Variants in ABCB1 observed in about 807,000 individuals in gnomAD.
ABCB1 encodes ATP-dependent translocase ABCB1.
Under a neutral mutation model 142.0 loss-of-function variants are expected in ABCB1, and 69 were observed. The ratio of observed to expected loss-of-function variants is 0.49; its 90% confidence interval spans 0.40 to 0.59. The LOEUF is 0.59. Ranked by LOEUF, ABCB1 falls within the 20% of genes least tolerant of loss-of-function variation. The pLI, the probability that ABCB1 is intolerant of heterozygous loss-of-function variation, is 0.00. For missense variants in ABCB1, 1,326 were observed against 1,554.7 expected, an observed-to-expected ratio of 0.85 and a Z score of 2.47; for synonymous variants, 532 against 539.2, an observed-to-expected ratio of 0.99 and a Z score of 0.18.
At chr7:87,543,225 C>T (rs1015085883) in intron 17 of ABCB1, among the ~76,000 whole-genome samples, 1 of 152,074 alleles carries the variant, frequency 6.6e-6, no homozygotes, top group African/African-American at 2.4e-5. Flanking sequence ...ACCCAGGAGG[C>T]AGAGGCTGCA....
In ABCB1 at chr7:87,516,731, C is replaced by CTTTTTTTT. The variant is rs546527484; in HGVS notation, c.2928-74_2928-67dup. 354 of 806,310 alleles carry CTTTTTTTT rather than the reference C, an allele frequency of 4.4e-4. 14 individuals are homozygous for CTTTTTTTT. In the African/African-American group the frequency reaches 8.9e-3, roughly 20 times the overall value. The allele number at this position is 806,310 out of a possible 1,614,324, so 49.9% of individuals were successfully genotyped here. A position where few individuals can be genotyped will look rare whatever the true frequency, so the allele number is the denominator to read the frequency against. ...TCACAATGCTAGAAAGCTGACACTCCTTTTTTTTTTTTTTTTTTTTTTTGA... is the reference window on the plus strand; with the variant it reads ...TCACAATGCTAGAAAGCTGACACTCCTTTTTTTTTTTTTTTTTTTTTTTTTTTTTTTGA... On this transcript the variant is annotated intron_variant, in intron 23 of 27. Transcript: ENST00000622132.
At chr7:87,585,326 G>A (rs1818694453) in intron 4 of ABCB1, among the ~76,000 whole-genome samples, 186 bp downstream of exon 4, 1 of 152,158 alleles carries the variant, frequency 6.6e-6, no homozygotes, top group African/African-American at 2.4e-5. Flanking sequence ...CTTCAGTTGT[G>A]TGTTGTAATG....
chr7:87,622,879 A>T (rs1319417474), intron 1 of ABCB1, among the ~76,000 whole-genome samples: 1 of 152,084 alleles, frequency 6.6e-6, no homozygotes, highest in Non-Finnish European at 1.5e-5. Context: ...AAACATTTTT[A>T]AAAATAAAAA....
At chr7:87,652,762 C>CTT (rs1279467153) in intron 1 of ABCB1, among the ~76,000 whole-genome samples, 2 of 151,274 alleles carry the variant, frequency 1.3e-5, no homozygotes, top group Non-Finnish European at 2.9e-5. Context: ...TAGCAAATTG[C>CTT]TTTTACTTTT....
intron 21 of ABCB1, among the ~76,000 whole-genome samples, chr7:87,523,536 C>T (rs1196480043): frequency 1.3e-5 from 2 of 152,138 alleles, no homozygotes; most frequent in South Asian, 2.1e-4. Flanking sequence ...GCAGAGGAAG[C>T]GCTCGAACTG....
Position 87,544,724 on chromosome 7 carries a change from A to T in ABCB1, c.2064+99T>A. ...GGGGGATAGGACAGGAGGATTCTGG[A>T]TAACCTCTCTTGTTCCCACTCCTAC... On this transcript the variant is annotated intron_variant, in intron 16 of 27. Transcript: ENST00000622132. 4 of 1,204,952 alleles carry T rather than the reference A, an allele frequency of 3.3e-6. No homozygotes were observed. In the South Asian group the frequency reaches 3.7e-5, roughly 11 times the overall value. The allele number at this position is 1,204,952 out of a possible 1,614,324, so 74.6% of individuals were successfully genotyped here.
intron 1 of ABCB1, among the ~76,000 whole-genome samples, chr7:87,649,302 C>T (rs1823337038): frequency 6.6e-6 from 1 of 152,110 alleles, no homozygotes; most frequent in Admixed American, 6.5e-5. Flanking sequence ...CAAAATAGAG[C>T]TTACAAATAA....
Position 87,648,115 on chromosome 7 carries a change from G to GCATA in ABCB1, c.-330-47041_-330-47038dup, listed in dbSNP as rs3028208. On this transcript the variant is annotated intron_variant, in intron 1 of 28. Coordinates refer to the ABCB1 transcript ENST00000265724. ...CAGGAGAATGGCGTGAACCGGGGTG[G>GCATA]CATAGCTTACAGTGAGCCAAGATCA... Among the ~76,000 whole-genome samples, 458 of 150,344 alleles carry GCATA rather than the reference G, an allele frequency of 3.0e-3. 6 individuals carry two copies. In the East Asian group the frequency reaches 0.049, roughly 16 times the overall value.
intron 1 of ABCB1, among the ~76,000 whole-genome samples, chr7:87,637,753 A>C (rs1055546671): frequency 6.6e-6 from 1 of 152,086 alleles, no homozygotes; most frequent in African/African-American, 2.4e-5. Flanking sequence ...CTTTTAAAAT[A>C]CTGGTCTTAT....
rs570721270 is a variant in ABCB1, at chr7:87,606,074, A to G, written c.-330-4996T>C. 3.9e-5 allele frequency among the ~76,000 whole-genome samples: 6 copies of G among 152,232 alleles called. No homozygotes were observed. In the East Asian group the frequency reaches 1.2e-3, roughly 29 times the overall value. On this transcript the variant is annotated intron_variant, in intron 1 of 28. Coordinates refer to the ABCB1 transcript ENST00000265724. ...CAAACCATATAGCTATTTATTGCAA[A>G]TATCACAATAGGTTAATATTCTTAA...
intron 1 of ABCB1, chr7:87,709,208 G>C (rs995230340): frequency 2.0e-6 from 2 of 981,902 alleles, no homozygotes; most frequent in African/African-American, 3.5e-5. Flanking sequence ...CAGGAAGCAA[G>C]ATTTTCCCTA....
chr7:87,703,915 T>TTTTTTTTTTTTTTTTTTTTTTTG (rs1829353831), intron 1 of ABCB1, among the ~76,000 whole-genome samples: 1 of 18,530 alleles, frequency 5.4e-5, no homozygotes, highest in Non-Finnish European at 1.1e-4. Flanking sequence ...TTTTTTTTGG[T>TTTTTTTTTTTTTTTTTTTTTTTG]TTTTTTTTTT....
rs775649461 is a variant in ABCB1, at chr7:87,626,009, CATATAT to C, written c.-330-24937_-330-24932del. 4.3e-4 allele frequency among the ~76,000 whole-genome samples: 48 copies of C among 112,104 alleles called. 1 individual carries two copies. Among genetic ancestry groups the C allele is most frequent in the African/African-American group, 1.5e-3 (41 of 27,542 alleles). 73.5% of individuals were successfully genotyped at this position (112,104 alleles called of 152,430 possible). A position where few individuals can be genotyped will look rare whatever the true frequency, so the allele number is the denominator to read the frequency against. Reference sequence around the variant, plus strand: ...ATATGTACATATATATGTATATGTACATATATATATATATAGAGAGAGAGAGAGAGA... The same window carrying C: ...ATATGTACATATATATGTATATGTACATATATATAGAGAGAGAGAGAGAGA... On this transcript the variant is annotated intron_variant, in intron 1 of 28. Coordinates refer to the ABCB1 transcript ENST00000265724.
chr7:87,509,476 A>G lies in ABCB1; in HGVS notation c.3288T>C (p.Leu1096=). ...FYDPLAGKVL[L]DGKEIKRLNV... Reference sequence around the variant, plus strand: ...TCAGTCGCTTTATTTCTTTGCCATCAAGCAGCTGAAAACAAGAGTTCACAG... The same window carrying G: ...TCAGTCGCTTTATTTCTTTGCCATCGAGCAGCTGAAAACAAGAGTTCACAG... The change falls in exon 26 of 28, where the codon CTT becomes CTC. Residue 1096 remains leucine (L), a synonymous_variant. Transcript: ENST00000622132. 6.2e-7 allele frequency: 1 copy of G among 1,614,030 alleles called. No individual in the cohort carries two copies. The highest frequency in any genetic ancestry group is 8.5e-7 in the Non-Finnish European group (1 of 1,180,020).
chr7:87,641,597 G>A (rs764397799), intron 1 of ABCB1, among the ~76,000 whole-genome samples: 3 of 152,160 alleles, frequency 2.0e-5, no homozygotes, highest in Admixed American at 1.3e-4. Flanking sequence ...AAAGCTGGCC[G>A]ACAGCTGTGA....
rs373344881 is a variant in ABCB1 at position 87,652,621 on chromosome 7, GAT to G, written c.-330-51545_-330-51544del. 5.1e-3 allele frequency among the ~76,000 whole-genome samples: 635 copies of G among 125,094 alleles called. 9 individuals are homozygous for G. Among genetic ancestry groups the G allele is most frequent in the East Asian group, 0.028 (120 of 4,342 alleles). The allele number at this position is 125,094 out of a possible 152,430, so 82.1% of individuals were successfully genotyped here. A position where few individuals can be genotyped will look rare whatever the true frequency, so the allele number is the denominator to read the frequency against. ...CTGTCAGTTGACTCTTGTGGTCACT[GAT>G]ATATATATATATATATATATATAGT... On this transcript the variant is annotated intron_variant, in intron 1 of 28. Coordinates refer to the ABCB1 transcript ENST00000265724.
intron 1 of ABCB1, chr7:87,628,581 G>C: frequency 3.6e-6 from 1 of 278,206 alleles, no homozygotes; most frequent in Non-Finnish European, 6.1e-6. Flanking sequence ...TGGTGCGTGC[G>C]TGCGTGTGTG....
chr7:87,626,125 T>TGTCATATATATGTGTCATATATA (rs1820460308), intron 1 of ABCB1, among the ~76,000 whole-genome samples: 1 of 120,260 alleles, frequency 8.3e-6, no homozygotes, highest in Non-Finnish European at 1.7e-5. Flanking sequence ...TCATATATAT[T>TGTCATATATATGTGTCATATATA]GTCATATATA....
intron 1 of ABCB1, among the ~76,000 whole-genome samples, chr7:87,610,232 CTTTTTTT>C (rs914468581): frequency 0.019 from 2,174 of 117,032 alleles, 46 homozygotes; most frequent in African/African-American, 0.06. Flanking sequence ...CTTTTTCTTT[CTTTTTTT>C]TTTTTTTTTT....
Sources: gnomAD v4.1 joint callset for allele counts (sites outside exome capture counted in the v4.1 genomes callset) on GRCh38, gnomAD v4.1.1 for gene constraint, MANE v1.5 for transcripts, NCBI Gene and HGNC (gene_info 2026-07-23, HGNC 2026-07-21) for gene names.